RGS20: variants seen among roughly 807,000 people sequenced by gnomAD.
RGS20 encodes gz-selective GTPase-activating protein.
RGS20 carries 30 observed loss-of-function variants against 33.6 expected under a neutral mutation model. The ratio of observed to expected loss-of-function variants is 0.89; its 90% CI spans 0.67 to 1.21. The LOEUF is 1.21. Ranked by LOEUF, RGS20 falls within the 50% of genes most tolerant of loss-of-function variation. The probability of loss-of-function intolerance (pLI) is 0.00; values close to 1 mark genes in which losing one functional copy is unlikely to be tolerated. For synonymous variants in RGS20, 208 were observed against 197.9 expected (o/e 1.05, Z -0.43); for missense variants, 472 against 502.4 (o/e 0.94, Z 0.58).
chr8:53,859,381 T>G (rs1449601264), intron 1 of RGS20, among the ~76,000 whole-genome samples: 1 of 152,184 alleles, frequency 6.6e-6, no homozygotes, highest in African/African-American at 2.4e-5. Flanking sequence ...AGCTTTAGTA[T>G]ACTGGTTTGT....
At chr8:53,874,985 AT>A (rs1248704104) in intron 1 of RGS20, among the ~76,000 whole-genome samples, 1 of 152,230 alleles carries the variant, frequency 6.6e-6, no homozygotes, top group East Asian at 1.9e-4. Context: ...TGGCCAGAGA[AT>A]TTTAAAAAGA....
At chr8:53,904,259 G>T (rs1032802943) in intron 2 of RGS20, among the ~76,000 whole-genome samples, 1 of 151,972 alleles carries the variant, frequency 6.6e-6, no homozygotes, top group African/African-American at 2.4e-5. Context: ...AGTAGCTGAA[G>T]TAGCTGGGAT....
chr8:53,886,256 G>A (rs1203363896), intron 2 of RGS20, among the ~76,000 whole-genome samples: 1 of 152,160 alleles, frequency 6.6e-6, no homozygotes, highest in Non-Finnish European at 1.5e-5. Flanking sequence ...GAGTGAGTCA[G>A]TTCATAGTAC....
chr8:53,881,726 A>G (rs1016714608), intron 2 of RGS20, among the ~76,000 whole-genome samples: 2 of 152,140 alleles, frequency 1.3e-5, no homozygotes, highest in African/African-American at 4.8e-5. Flanking sequence ...TGAAAACCGA[A>G]TGAACAGAGA....
intron 1 of RGS20, chr8:53,852,148 T>C: frequency 1.6e-6 from 2 of 1,246,294 alleles, no homozygotes; most frequent in South Asian, 3.9e-5. Flanking sequence ...TACTCAAGCT[T>C]TAGTGCCATT....
intron 4 of RGS20, among the ~76,000 whole-genome samples, chr8:53,949,305 A>C (rs1387899817): frequency 6.8e-6 from 1 of 148,102 alleles, no homozygotes; most frequent in Non-Finnish European, 1.5e-5. Flanking sequence ...ACTATATATA[A>C]GATACAGTAT....
intron 2 of RGS20, among the ~76,000 whole-genome samples, chr8:53,934,880 C>T (rs376902331): frequency 2.2e-4 from 34 of 152,102 alleles, no homozygotes; most frequent in Admixed American, 1.8e-3. Flanking sequence ...CCTCGGCAAA[C>T]GCAAAAGAAC....
At chr8:53,857,788 A>C (rs1213406411) in intron 1 of RGS20, among the ~76,000 whole-genome samples, 1 of 152,350 alleles carries the variant, frequency 6.6e-6, no homozygotes, top group Non-Finnish European at 1.5e-5. Flanking sequence ...AGCTGAAAAA[A>C]ATCTGAAATC....
chr8:53,939,722 G>T lies in RGS20; in HGVS notation c.657G>T (p.Ser219=). ...GCTGGTGCTGCTGTTGTAGCTGCTC[G>T]TGGTAAGGTTTGGGGCTTTTTAATG... Residue 219 remains serine, a splice_region_variant and synonymous_variant, in exon 3 of 6, where the codon TCG becomes TCT. Transcript: ENST00000297313. 1 of 1,553,814 alleles carries T rather than the reference G, an allele frequency of 6.4e-7. No individual in the cohort carries two copies. Among genetic ancestry groups the T allele is most frequent in the South Asian group, 1.2e-5 (1 of 84,064 alleles).
At position 53,900,209 on chromosome 8, in the gene RGS20, A is replaced by G. The variant is rs929887621; in HGVS notation, c.510+20607A>G. 2.6e-5 allele frequency among the ~76,000 whole-genome samples: 4 copies of G among 152,142 alleles called. No individual in the cohort carries two copies. The East Asian group carries it at 7.7e-4, about 29-fold the overall frequency. ...TAGGTTAGAATGCAGTGGTGCAATC[A>G]TAGCTCACTGCAGCCTTAAACCCCT... On this transcript the variant is annotated intron_variant, in intron 2 of 5. Coordinates refer to ENST00000297313, the MANE Select transcript of RGS20 (RefSeq NM_170587.4).
chr8:53,899,931 G>T (rs1340840239), intron 2 of RGS20, among the ~76,000 whole-genome samples: 1 of 152,130 alleles, frequency 6.6e-6, no homozygotes, highest in East Asian at 1.9e-4. Context: ...CCTGACCTGC[G>T]TGCAAAGGTG....
chr8:53,958,437 G>T lies in RGS20; in HGVS notation c.1146G>T (p.Ser382=). Residue 382 remains serine (S), a synonymous_variant, in exon 6 of 6, where the codon TCG becomes TCT. Coordinates refer to ENST00000297313, the MANE Select transcript of RGS20 (RefSeq NM_170587.4). ...ATAAGGACTTGCTTCAGTCCTTATC[G>T]GAGAAATCTATTGAAGCATAGGATT... 6.5e-7 allele frequency: 1 copy of T among 1,527,896 alleles called. No homozygotes were observed. Among genetic ancestry groups the T allele is most frequent in the East Asian group, 2.4e-5 (1 of 41,544 alleles). The allele number at this position is 1,527,896 out of a possible 1,614,324, so 94.6% of individuals were successfully genotyped here.
chr8:53,879,116 A>T lies in RGS20; in HGVS notation c.166-142A>T. On this transcript the variant is annotated intron_variant, in intron 1 of 5. Coordinates refer to ENST00000297313, the MANE Select transcript of RGS20 (RefSeq NM_170587.4). Reference sequence around the variant, plus strand: ...GAGTGGGAGGGGAAAGAATCTAACTATAGGCCTTTCCTTCTGCTTTCACCG... The same window carrying T: ...GAGTGGGAGGGGAAAGAATCTAACTTTAGGCCTTTCCTTCTGCTTTCACCG... 7 of 692,252 alleles carry T rather than the reference A, an allele frequency of 1.0e-5. No homozygotes were observed. In the South Asian group the frequency reaches 1.2e-4, roughly 12 times the overall value. 42.9% of individuals were successfully genotyped at this position (692,252 alleles called of 1,614,324 possible).
intron 1 of RGS20, among the ~76,000 whole-genome samples, chr8:53,870,849 A>G (rs1812046878): frequency 6.6e-6 from 1 of 152,048 alleles, no homozygotes; most frequent in African/African-American, 2.4e-5. Context: ...GCGGTGACTC[A>G]CACCTGTAAT....
At chr8:53,907,719 T>C (rs1437468392) in intron 2 of RGS20, among the ~76,000 whole-genome samples, 1 of 151,996 alleles carries the variant, frequency 6.6e-6, no homozygotes, top group Non-Finnish European at 1.5e-5. Context: ...GGCTCCTGCA[T>C]CTCATGGCTT....
chr8:53,918,332 T>G (rs552395024), intron 2 of RGS20, among the ~76,000 whole-genome samples: 2 of 152,302 alleles, frequency 1.3e-5, no homozygotes, highest in South Asian at 4.1e-4. Context: ...AATCATACAT[T>G]ATGTAGCCTT....
Position 53,953,968 on chromosome 8 carries a change from A to T in RGS20, c.744-108A>T, listed in dbSNP as rs1307932435. The T allele has an allele frequency of 6.1e-6, 5 of 818,332 alleles. No individual in the cohort carries two copies. The African/African-American group carries it at 8.5e-5, about 14-fold the overall frequency. 50.7% of individuals were successfully genotyped at this position (818,332 alleles called of 1,614,324 possible). A position where few individuals can be genotyped will look rare whatever the true frequency, so the allele number is the denominator to read the frequency against. On this transcript the variant is annotated intron_variant, in intron 4 of 5. Coordinates refer to ENST00000297313, the MANE Select transcript of RGS20 (RefSeq NM_170587.4). ...TCCCTTCCTAAAAGGGCCTAAATGC[A>T]TATATTTTTCATTCTTGGAGGAGGA...
intron 2 of RGS20, 104 bp from the exon 1 acceptor site, chr8:53,880,768 G>C (rs1234363233): frequency 9.3e-7 from 1 of 1,077,342 alleles, no homozygotes. Flanking sequence ...GGGGCCTCGG[G>C]GGTACCCCTA....
intron 2 of RGS20, among the ~76,000 whole-genome samples, chr8:53,885,697 C>T (rs962252256): frequency 2.6e-5 from 4 of 151,846 alleles, no homozygotes; most frequent in East Asian, 1.9e-4. Context: ...GTGTGTCTTC[C>T]AGGGGAGGTA....
Sources: gnomAD v4.1 joint callset for allele counts (sites outside exome capture counted in the v4.1 genomes callset) on GRCh38, gnomAD v4.1.1 for gene constraint, MANE v1.5 for transcripts, NCBI Gene and HGNC (gene_info 2026-07-23, HGNC 2026-07-21) for gene names.